PARD3: variants seen among roughly 807,000 people sequenced by gnomAD.
PARD3 encodes par-3 family cell polarity regulator.
A neutral mutation model predicts 155.4 loss-of-function variants in PARD3; 75 were observed. The ratio of observed to expected loss-of-function variants is 0.48; its 90% CI spans 0.40 to 0.58. The LOEUF is 0.58. Ranked by LOEUF, PARD3 falls within the 20% of genes least tolerant of loss-of-function variation. PARD3 has a pLI of 0.00. For synonymous variants in PARD3, 576 were observed against 610.5 expected (o/e 0.94, Z 0.83); for missense variants, 1,642 against 1,721.7 (o/e 0.95, Z 0.82).
chr10:34,268,451 A>G (rs981199379), intron 22 of PARD3, among the ~76,000 whole-genome samples: 1 of 113,182 alleles, frequency 8.8e-6, no homozygotes, highest in Non-Finnish European at 1.8e-5. Context: ...AGGACTATAA[A>G]TCATGCTGCT....
chr10:34,343,563 A>AT, intron 15 of PARD3: 1 of 985,242 alleles, frequency 1.0e-6, no homozygotes, highest in Non-Finnish European at 1.2e-6. Flanking sequence ...GAAAACCCAT[A>AT]TTTTCCACTT....
intron 1 of PARD3, among the ~76,000 whole-genome samples, chr10:34,699,481 C>A (rs536307589): frequency 6.6e-6 from 1 of 152,126 alleles, no homozygotes; most frequent in Non-Finnish European, 1.5e-5. Context: ...AGCTTTCATA[C>A]CATAATTCTC....
At chr10:34,620,681 C>T (rs1049463465) in intron 2 of PARD3, among the ~76,000 whole-genome samples, 8 of 152,184 alleles carry the variant, frequency 5.3e-5, no homozygotes, top group African/African-American at 1.9e-4. Context: ...AGATAAAAAG[C>T]TCACCTTGCA....
chr10:34,762,652 A>G (rs1837605870), intron 1 of PARD3, among the ~76,000 whole-genome samples: 1 of 152,048 alleles, frequency 6.6e-6, no homozygotes, highest in South Asian at 2.1e-4. Flanking sequence ...GATGTTAAAT[A>G]CTTGACAAAA....
chr10:34,596,384 T>C (rs555719392), intron 2 of PARD3, among the ~76,000 whole-genome samples: 1 of 152,252 alleles, frequency 6.6e-6, no homozygotes, highest in Non-Finnish European at 1.5e-5. Context: ...GGGTAACTTA[T>C]AAAGAAAAGA....
chr10:34,710,197 T>C (rs1418860906), intron 1 of PARD3, among the ~76,000 whole-genome samples: 1 of 152,172 alleles, frequency 6.6e-6, no homozygotes, highest in Non-Finnish European at 1.5e-5. Context: ...GTTGAACACA[T>C]TCAATCAATT....
At chr10:34,276,795 C>T (rs1051575569) in intron 21 of PARD3, among the ~76,000 whole-genome samples, 8 of 152,206 alleles carry the variant, frequency 5.3e-5, no homozygotes, top group African/African-American at 1.9e-4. Flanking sequence ...CAGTTACATA[C>T]CAAATACCTC....
intron 2 of PARD3, among the ~76,000 whole-genome samples, chr10:34,632,660 T>C (rs971714660): frequency 6.6e-6 from 1 of 152,190 alleles, no homozygotes; most frequent in African/African-American, 2.4e-5. Flanking sequence ...TAGCTAAAAA[T>C]GTATATTTTG....
chr10:34,629,323 A>G (rs1342107607), intron 2 of PARD3, among the ~76,000 whole-genome samples: 2 of 152,230 alleles, frequency 1.3e-5, no homozygotes, highest in Admixed American at 6.5e-5. Flanking sequence ...AGGTTATACT[A>G]ATGTGATCTC....
intron 2 of PARD3, among the ~76,000 whole-genome samples, chr10:34,615,672 A>T (rs2091203398): frequency 6.6e-6 from 1 of 152,248 alleles, no homozygotes; most frequent in Admixed American, 6.5e-5. Flanking sequence ...CAACTACAGA[A>T]TGGGAGAAAA....
rs1841428165 is a variant in PARD3 at position 34,789,805 on chromosome 10, G to C, written c.120+25071C>G. Among the ~76,000 whole-genome samples, 3 of 152,184 alleles carry C rather than the reference G, an allele frequency of 2.0e-5. No homozygotes were observed. The South Asian group carries it at 6.2e-4, about 32-fold the overall frequency. ...GAAATGCTCTTTTGTAGATTATTCT[G>C]GGTGGTAAGAATATGGGTGTTTACT... is the stretch of plus-strand genomic sequence containing the variant. On this transcript the variant is annotated intron_variant, in intron 1 of 24. Coordinates refer to ENST00000374788, the MANE Select transcript of PARD3 (RefSeq NM_001184785.2).
intron 2 of PARD3, among the ~76,000 whole-genome samples, chr10:34,680,370 A>T (rs1395394614): frequency 2.6e-5 from 4 of 151,918 alleles, no homozygotes; most frequent in East Asian, 3.9e-4. Flanking sequence ...ACCAGCCTGG[A>T]ACACATGGTG....
rs199612271 is a variant in PARD3, at chr10:34,405,073, AACACAAACACACACACAC to A, written c.715-3174_715-3157del. ...GGTGACAGAGTGAGACCCCATCACA[AACACAAACACACACACAC>A]ACACACACACACACACACACACACA... is the stretch of plus-strand genomic sequence containing the variant. On this transcript the variant is annotated intron_variant, in intron 5 of 24. Transcript: ENST00000374788. 1.4e-3 allele frequency among the ~76,000 whole-genome samples: 190 copies of A among 136,218 alleles called. 1 individual carries two copies. Among genetic ancestry groups the A allele is most frequent in the East Asian group, 9.5e-3 (41 of 4,304 alleles). 89.4% of individuals were successfully genotyped at this position (136,218 alleles called of 152,430 possible).
chr10:34,532,614 A>G (rs575356898), intron 2 of PARD3, among the ~76,000 whole-genome samples: 1 of 152,326 alleles, frequency 6.6e-6, no homozygotes, highest in South Asian at 2.1e-4. Context: ...TTCGTTCTGG[A>G]TATACTTTCG....
At chr10:34,544,790 A>G (rs1423348880) in intron 2 of PARD3, among the ~76,000 whole-genome samples, 1 of 152,226 alleles carries the variant, frequency 6.6e-6, no homozygotes, top group Non-Finnish European at 1.5e-5. Flanking sequence ...TGACATCCAT[A>G]AATTCATTTT....
At chr10:34,146,672 C>A (rs1948522968) in intron 22 of PARD3, among the ~76,000 whole-genome samples, 1 of 152,118 alleles carries the variant, frequency 6.6e-6, no homozygotes, top group African/African-American at 2.4e-5. Context: ...ATTTTTAATC[C>A]TCTGTTTCAA....
chr10:34,745,371 T>C (rs1012374862), intron 1 of PARD3, among the ~76,000 whole-genome samples: 13 of 114,216 alleles, frequency 1.1e-4, no homozygotes, highest in Admixed American at 3.1e-4. Flanking sequence ...CTACAAAAGA[T>C]AGAAAAGAAA....
chr10:34,782,943 T>A (rs534538548), intron 1 of PARD3, among the ~76,000 whole-genome samples: 1 of 152,240 alleles, frequency 6.6e-6, no homozygotes, highest in Admixed American at 6.5e-5. Context: ...CAGGCTGGTC[T>A]CGAACTCCTG....
chr10:34,672,189 T>G lies in PARD3; in HGVS notation c.222+24129A>C, dbSNP rs1170957702. On this transcript the variant is annotated intron_variant, in intron 2 of 24. Coordinates refer to ENST00000374788, the MANE Select transcript of PARD3 (RefSeq NM_001184785.2). ...TTTTTTCAAAAAAGAATAACCTCTC[T>G]CCCTTTCACGACTGCCATTAGTATT... Among the ~76,000 whole-genome samples, 4 of 152,280 alleles carry G rather than the reference T, an allele frequency of 2.6e-5. 1 individual carries two copies. The South Asian group carries it at 8.3e-4, about 32-fold the overall frequency.
Sources: allele counts gnomAD v4.1 joint callset (sites outside exome capture counted in the v4.1 genomes callset), GRCh38; gene constraint gnomAD v4.1.1; transcripts MANE v1.5; gene names NCBI Gene and HGNC (gene_info 2026-07-23, HGNC 2026-07-21).